Variants in SCIN observed in about 807,000 individuals in gnomAD.
SCIN encodes adseverin.
A neutral mutation model predicts 91.8 loss-of-function variants in SCIN; 91 were observed. The observed-to-expected ratio is 0.99, with a 90% confidence interval of 0.84 to 1.18. The LOEUF (loss-of-function observed/expected upper bound fraction) is 1.18, where lower values mean the gene tolerates loss of function less well. Ranked by LOEUF, SCIN falls within the 50% of genes most tolerant of loss-of-function variation. SCIN has a pLI of 0.00. For missense variants in SCIN, 1,087 were observed against 863.9 expected, an observed-to-expected ratio of 1.26 and a Z score of -3.24; for synonymous variants, 367 against 312.6, an observed-to-expected ratio of 1.17 and a Z score of -1.84.
intron 10 of SCIN, among the ~76,000 whole-genome samples, chr7:12,640,061 A>G (rs1430966632): frequency 6.6e-6 from 1 of 152,194 alleles, no homozygotes; most frequent in Admixed American, 6.5e-5. Context: ...ACAGACTTAC[A>G]TCTTCATACT....
chr7:12,585,202 G>T (rs1782561972), intron 3 of SCIN, among the ~76,000 whole-genome samples: 1 of 151,950 alleles, frequency 6.6e-6, no homozygotes, highest in Non-Finnish European at 1.5e-5. Flanking sequence ...CTTGTTATGG[G>T]CATCGATGAC....
chr7:12,576,902 T>A (rs774326583), intron 1 of SCIN, among the ~76,000 whole-genome samples: 7 of 152,178 alleles, frequency 4.6e-5, no homozygotes, highest in Admixed American at 2.6e-4. Flanking sequence ...ATGTTGGCTA[T>A]TATTATTTCT....
intron 4 of SCIN, among the ~76,000 whole-genome samples, chr7:12,619,034 T>A (rs1257935027): frequency 6.6e-6 from 1 of 152,100 alleles, no homozygotes; most frequent in Non-Finnish European, 1.5e-5. Context: ...TCAGGCTCAT[T>A]TTCTTAATCT....
intron 9 of SCIN, among the ~76,000 whole-genome samples, chr7:12,632,049 A>G (rs1783654109): frequency 6.6e-6 from 1 of 152,086 alleles, no homozygotes; most frequent in East Asian, 1.9e-4. Flanking sequence ...GGGTCACTCA[A>G]AGAGTTTGTA....
rs1372642796 is a variant in SCIN at position 12,657,094 on chromosome 7, C to T, written c.*4379C>T. Reference sequence around the variant, plus strand: ...TATAAATTGATACAATGGGTTTGAACAGTTTTTGTATTTTCTACTAAAATG... The same window carrying T: ...TATAAATTGATACAATGGGTTTGAATAGTTTTTGTATTTTCTACTAAAATG... On this transcript the variant is annotated 3_prime_UTR_variant, in exon 16 of 16. Transcript: ENST00000297029. 1 of 151,204 alleles carries T rather than the reference C, an allele frequency of 6.6e-6. No individual in the cohort carries two copies. Among genetic ancestry groups the T allele is most frequent in the Non-Finnish European group, 1.5e-5 (1 of 67,892 alleles). 9.4% of individuals were successfully genotyped at this position (151,204 alleles called of 1,614,324 possible).
chr7:12,585,468 C>T (rs947568572), intron 3 of SCIN, among the ~76,000 whole-genome samples: 8 of 152,170 alleles, frequency 5.3e-5, no homozygotes, highest in Admixed American at 1.3e-4. Context: ...AACTACTACC[C>T]ATGAGTCAAT....
intron 3 of SCIN, among the ~76,000 whole-genome samples, chr7:12,591,793 T>C (rs1400162202): frequency 1.3e-5 from 2 of 152,144 alleles, no homozygotes; most frequent in Non-Finnish European, 2.9e-5. Context: ...CTATTAATGC[T>C]GCCCTGGCTG....
At chr7:12,646,990 A>G (rs978830200) in intron 13 of SCIN, among the ~76,000 whole-genome samples, 2 of 149,546 alleles carry the variant, frequency 1.3e-5, no homozygotes, top group Non-Finnish European at 3.0e-5. Flanking sequence ...TAGATTTGTC[A>G]TCAGAAAAAT....
intron 8 of SCIN, 27 bp from the exon 9 acceptor site, chr7:12,629,074 T>A (rs752075291): frequency 2.6e-6 from 4 of 1,558,316 alleles, no homozygotes; most frequent in Non-Finnish European, 3.5e-6. Flanking sequence ...AAATTGTAAT[T>A]TGTTGTATAT....
At chr7:12,575,737 C>A (rs1003978713) in intron 1 of SCIN, among the ~76,000 whole-genome samples, 2 of 151,846 alleles carry the variant, frequency 1.3e-5, no homozygotes, top group African/African-American at 4.8e-5. Context: ...AGGGAAACAA[C>A]AAATGGAAAT....
intron 4 of SCIN, among the ~76,000 whole-genome samples, chr7:12,610,522 T>G (rs1583297693): frequency 1.3e-5 from 2 of 152,370 alleles, no homozygotes; most frequent in East Asian, 3.9e-4. Flanking sequence ...CCACTCGTAT[T>G]TGGATAATTA....
intron 9 of SCIN, among the ~76,000 whole-genome samples, chr7:12,632,381 T>A (rs889421657): frequency 6.6e-6 from 1 of 152,086 alleles, no homozygotes; most frequent in Non-Finnish European, 1.5e-5. Flanking sequence ...TCCACCTGCC[T>A]TGGCCTCCTA....
intron 4 of SCIN, among the ~76,000 whole-genome samples, chr7:12,618,850 G>A (rs920124952): frequency 1.3e-5 from 2 of 152,090 alleles, no homozygotes; most frequent in Admixed American, 1.3e-4. Flanking sequence ...AGCTGATTCT[G>A]TTTTTAGTGA....
chr7:12,574,866 T>A (rs1019874415), intron 1 of SCIN, among the ~76,000 whole-genome samples: 4 of 152,172 alleles, frequency 2.6e-5, no homozygotes, highest in African/African-American at 9.7e-5. Context: ...CCTGTATATG[T>A]CTATAATAAA....
chr7:12,640,482 C>T lies in SCIN; in HGVS notation c.1546C>T (p.Arg516Trp), dbSNP rs767783402. 25 of 1,611,882 alleles carry T rather than the reference C, an allele frequency of 1.6e-5. No homozygotes were observed. The South Asian group carries it at 1.9e-4, about 12-fold the overall frequency. Residue 516 changes from arginine to tryptophan, a missense_variant, in exon 11 of 16, where the codon CGG becomes TGG. Physicochemically the swap from Arg to Trp is moderately radical, Grantham distance 101 (BLOSUM62 -3). Transcript: ENST00000297029. Reference sequence around the variant, plus strand: ...TCCCCCTACACGCCTCTTTCAAGTCCGGAGAAACCTGGCATCTATCACCAG... The same window carrying T: ...TCCCCCTACACGCCTCTTTCAAGTCTGGAGAAACCTGGCATCTATCACCAG... ...PAPPTRLFQV[R>W]RNLASITRIV...
At chr7:12,644,084 T>A (rs1020206947) in intron 11 of SCIN, 54 bp from the exon 12 acceptor site, 79 of 1,485,384 alleles carry the variant, frequency 5.3e-5, no homozygotes, top group Admixed American at 2.9e-4. Context: ...GACATGTTTA[T>A]TGAGGGAGCA....
chr7:12,613,616 G>C (rs958367165), intron 4 of SCIN, among the ~76,000 whole-genome samples: 1 of 152,152 alleles, frequency 6.6e-6, no homozygotes, highest in Non-Finnish European at 1.5e-5. Flanking sequence ...TAGAATCACA[G>C]AGTGTTGGAA....
chr7:12,644,582 A>C lies in SCIN; in HGVS notation c.1760-2A>C, dbSNP rs1169225414. On this transcript the variant is annotated splice_acceptor_variant, in intron 12 of 15. Coordinates refer to ENST00000297029, the MANE Select transcript of SCIN (RefSeq NM_001112706.3). LOFTEE classifies it high-confidence loss of function. Reference sequence around the variant, plus strand: ...CTGGATAACTGAGTGTGTTTTCCACAGAGGAGTTCTGGAATTCCCTTGGAG... The same window carrying C: ...CTGGATAACTGAGTGTGTTTTCCACCGAGGAGTTCTGGAATTCCCTTGGAG... The C allele has an allele frequency of 1.9e-6, 3 of 1,612,566 alleles. No homozygotes were observed.
chr7:12,639,690 T>C (rs945453907), intron 10 of SCIN, among the ~76,000 whole-genome samples: 1 of 152,216 alleles, frequency 6.6e-6, no homozygotes, highest in Non-Finnish European at 1.5e-5. Flanking sequence ...TTGTATTTTT[T>C]AAAGTTTCTT....
Sources: allele counts gnomAD v4.1 joint callset (sites outside exome capture counted in the v4.1 genomes callset), GRCh38; gene constraint gnomAD v4.1.1; transcripts MANE v1.5; gene names NCBI Gene and HGNC (gene_info 2026-07-23, HGNC 2026-07-21).